The following ATP2B3 variants were observed in gnomAD, a reference collection of about 807,000 sequenced individuals.
ATP2B3 encodes the protein ATPase plasma membrane Ca2+ transporting 3, also known as plasma membrane calcium-transporting ATPase 3.
A neutral mutation model predicts 70.8 loss-of-function variants in ATP2B3; 12 were observed. The ratio of observed to expected loss-of-function variants is 0.17; its 90% CI spans 0.11 to 0.27. The LOEUF is 0.27. ATP2B3 is among the 10% of genes least tolerant of loss of function. The pLI, the probability that ATP2B3 is intolerant of heterozygous loss-of-function variation, is 1.00. For synonymous variants in ATP2B3, 460 were observed against 497.8 expected (o/e 0.92, Z 1.01); for missense variants, 858 against 1,118.5 (o/e 0.77, Z 3.32).
chrX:153,571,258 G>C (rs1438796914), intron 21 of ATP2B3, among the ~76,000 whole-genome samples: 3 of 112,607 alleles, frequency 2.7e-5, no homozygotes, highest in Non-Finnish European at 5.6e-5. Context: ...AGCCAGAAAT[G>C]GTTCGTGGCC....
chrX:153,535,832 G>T (rs919615595), intron 2 of ATP2B3, among the ~76,000 whole-genome samples: 3 of 112,306 alleles, frequency 2.7e-5, no homozygotes, highest in Admixed American at 9.3e-5. Context: ...CCTCCAGCTA[G>T]CTAGTGTTAA....
At chrX:153,575,319 T>C (rs886633301) in intron 21 of ATP2B3, among the ~76,000 whole-genome samples, 2 of 111,677 alleles carry the variant, frequency 1.8e-5, no homozygotes, top group African/African-American at 6.5e-5. Context: ...TACCTTCCAG[T>C]GAAAGGTGGA....
In ATP2B3 at chrX:153,569,717, G is replaced by A. The variant is rs141656743; in HGVS notation, c.3342+4614G>A. 3.5e-4 allele frequency: 418 copies of A among 1,209,382 alleles called. 1 individual carries two copies. Among genetic ancestry groups the A allele is most frequent in the Admixed American group, 1.7e-3 (77 of 45,766 alleles). On this transcript the variant is annotated intron_variant, in intron 21 of 21. Coordinates refer to ENST00000263519, the MANE Select transcript of ATP2B3 (RefSeq NM_001001344.3). Reference sequence around the variant, plus strand: ...AACCAATCTTTCTACCCCTACTCACGCAATTCTCTCTGCTGCCAATCCTAC... The same window carrying A: ...AACCAATCTTTCTACCCCTACTCACACAATTCTCTCTGCTGCCAATCCTAC...
At chrX:153,555,739 G>T (rs1464630695) in intron 13 of ATP2B3, among the ~76,000 whole-genome samples, 2 of 112,556 alleles carry the variant, frequency 1.8e-5, no homozygotes, top group Non-Finnish European at 3.8e-5. Context: ...TAACAATTTT[G>T]TAACTTGGTG....
At chrX:153,558,953 G>A (rs190366393) in intron 17 of ATP2B3, among the ~76,000 whole-genome samples, 2 of 111,693 alleles carry the variant, frequency 1.8e-5, no homozygotes, top group Admixed American at 1.9e-4. Flanking sequence ...CCCCATTGGT[G>A]AGTGTCCAGA....
chrX:153,529,666 AG>A (rs1401498399), intron 2 of ATP2B3, among the ~76,000 whole-genome samples: 1 of 112,306 alleles, frequency 8.9e-6, no homozygotes, highest in African/African-American at 3.2e-5. Flanking sequence ...ATCCAGCCGC[AG>A]AACTTGTTCG....
At chrX:153,540,200 G>A (rs62594136) in intron 3 of ATP2B3, among the ~76,000 whole-genome samples, 213 of 112,385 alleles carry the variant, frequency 1.9e-3, no homozygotes, top group Non-Finnish European at 2.7e-3. Context: ...CTCCACCTCC[G>A]GCCTCAGTGG....
intron 21 of ATP2B3, among the ~76,000 whole-genome samples, chrX:153,578,902 C>T (rs2090890551): frequency 1.8e-5 from 2 of 112,486 alleles, no homozygotes; most frequent in Non-Finnish European, 3.8e-5. Context: ...GACACGGGGG[C>T]TGTGAGGAGG....
At chrX:153,551,265 G>A (rs1385676547) in intron 12 of ATP2B3, among the ~76,000 whole-genome samples, 1 of 112,084 alleles carries the variant, frequency 8.9e-6, no homozygotes, top group Admixed American at 9.4e-5. Flanking sequence ...CCATCCTTGT[G>A]GGTGTGAGGC....
At chrX:153,556,015 C>T (rs782691381) in intron 13 of ATP2B3, 34 bp from the exon 14 acceptor site, 8 of 1,208,824 alleles carry the variant, frequency 6.6e-6, no homozygotes, top group East Asian at 3.0e-5. Context: ...CGTCTTGCCT[C>T]GATGGCCCCG....
At chrX:153,547,069 G>C (rs2090378895) in intron 8 of ATP2B3, among the ~76,000 whole-genome samples, 1 of 111,948 alleles carries the variant, frequency 8.9e-6, no homozygotes, top group African/African-American at 3.2e-5. Context: ...GAGTAGTGAG[G>C]GAGAAAGACG....
chrX:153,564,611 A>C (rs2090674914), intron 20 of ATP2B3, among the ~76,000 whole-genome samples: 1 of 112,845 alleles, frequency 8.9e-6, no homozygotes, highest in Non-Finnish European at 1.9e-5. Context: ...TCTGACTGCC[A>C]TAGCAAAATA....
At chrX:153,548,980 C>A in intron 10 of ATP2B3, 126 bp downstream of exon 10, 1 of 675,148 alleles carries the variant, frequency 1.5e-6, no homozygotes, top group Non-Finnish European at 2.2e-6. Context: ...AGAGGAGGTG[C>A]CGAGCAGGGA....
chrX:153,576,779 G>C (rs937109879), intron 21 of ATP2B3, among the ~76,000 whole-genome samples: 2 of 111,670 alleles, frequency 1.8e-5, no homozygotes, highest in Non-Finnish European at 3.8e-5. Flanking sequence ...CAGGCTGGTG[G>C]AAGGAGGGCA....
At chrX:153,544,717 A>G (rs1041443577) in intron 7 of ATP2B3, among the ~76,000 whole-genome samples, 12 of 110,408 alleles carry the variant, frequency 1.1e-4, no homozygotes. Flanking sequence ...CCAACCCCCT[A>G]TTTCTTGTCT....
intron 21 of ATP2B3, chrX:153,569,719 A>G: frequency 8.3e-7 from 1 of 1,211,077 alleles, no homozygotes; most frequent in Non-Finnish European, 1.1e-6. Flanking sequence ...CTACTCACGC[A>G]ATTCTCTCTG....
In ATP2B3 at chrX:153,556,334, G is replaced by C; in HGVS notation, c.2242G>C (p.Glu748Gln). The change falls in exon 15 of 22, where the codon GAA becomes CAA. Residue 748 changes from glutamate to glutamine, a missense_variant. Coordinates refer to ENST00000263519, the MANE Select transcript of ATP2B3 (RefSeq NM_001001344.3). ...RRIRNEKGEI[E>Q]QERLDKVWPK... ...TCCTTGTGCTTCCCCTCCCCAGATAGAACAGGAGCGGCTGGACAAGGTGTG... is the reference window on the plus strand; with the variant it reads ...TCCTTGTGCTTCCCCTCCCCAGATACAACAGGAGCGGCTGGACAAGGTGTG... 1 of 1,208,289 alleles carries C rather than the reference G, an allele frequency of 8.3e-7. No individual in the cohort carries two copies. The highest frequency in any genetic ancestry group is 1.1e-6 in the Non-Finnish European group (1 of 894,094).
chrX:153,556,140 C>A lies in ATP2B3; in HGVS notation c.2150C>A (p.Ala717Asp). Reference sequence around the variant, plus strand: ...ATCAACACGGCCCGGGCCATCGCAGCCAAATGCGGCATCATCCAGCCCGGG... The same window carrying A: ...ATCAACACGGCCCGGGCCATCGCAGACAAATGCGGCATCATCCAGCCCGGG... Reference protein sequence around the residue: ...DNINTARAIAAKCGIIQPGED... With the variant: ...DNINTARAIADKCGIIQPGED... The change falls in exon 14 of 22, where the codon GCC becomes GAC. Residue 717 changes from alanine to aspartate, a missense_variant. Physicochemically the swap from Ala to Asp is moderately radical, Grantham distance 126. Around this residue, in one of 5 missense-constraint regions of ATP2B3, gnomAD observed 242 missense variants for 281.3 expected, o/e 0.86. Transcript: ENST00000263519. The A allele has an allele frequency of 8.2e-7, 1 of 1,212,372 alleles. No individual in the cohort carries two copies. The highest frequency in any genetic ancestry group is 1.1e-6 in the Non-Finnish European group (1 of 895,610).
chrX:153,544,418 C>T (rs1557007964), intron 7 of ATP2B3, among the ~76,000 whole-genome samples: 4 of 112,406 alleles, frequency 3.6e-5, no homozygotes, highest in Non-Finnish European at 7.5e-5. Context: ...CCAGGCCTCT[C>T]CTTTCTTTTT....
Sources: allele counts gnomAD v4.1 joint callset (sites outside exome capture counted in the v4.1 genomes callset), GRCh38; gene constraint gnomAD v4.1.1; regional missense constraint gnomAD v4.1.1; transcripts MANE v1.5; gene names NCBI Gene and HGNC (gene_info 2026-07-23, HGNC 2026-07-21).